Variants in PSG2 observed in about 807,000 individuals in gnomAD.
The protein encoded by PSG2 is pregnancy specific beta-1-glycoprotein 2, also known as pregnancy-specific beta-1-glycoprotein 2.
PSG2 carries 49 observed loss-of-function variants against 36.2 expected under a neutral mutation model. That is an observed-to-expected ratio of 1.35 (90% confidence interval 1.08 to 1.72). The LOEUF (loss-of-function observed/expected upper bound fraction) is 1.72, where lower values mean the gene tolerates loss of function less well. Ranked by LOEUF, PSG2 falls within the 40% of genes most tolerant of loss-of-function variation. PSG2 has a pLI of 0.00. For synonymous variants in PSG2, 261 were observed against 155.6 expected (o/e 1.68, Z -5.04); for missense variants, 605 against 407.2 (o/e 1.49, Z -4.18).
chr19:43,069,326 G>A (rs1367583447), intron 4 of PSG2, among the ~76,000 whole-genome samples: 2 of 151,584 alleles, frequency 1.3e-5, no homozygotes, highest in Non-Finnish European at 2.9e-5. Context: ...CTATCAATCA[G>A]AATCTCAGTG....
chr19:43,071,487 T>G (rs564890966), intron 4 of PSG2, among the ~76,000 whole-genome samples: 9 of 151,620 alleles, frequency 5.9e-5, no homozygotes, highest in Admixed American at 2.0e-4. Context: ...CCTACCTTTC[T>G]CAGGCGAGAC....
rs1599709691 is a variant in PSG2, at chr19:43,077,054, A to G, written c.431-1422T>C. On this transcript the variant is annotated intron_variant, in intron 2 of 5. Coordinates refer to ENST00000406487, the MANE Select transcript of PSG2 (RefSeq NM_031246.4). ...TTGTCAGGAGTTTAGACCTCATGTTATGTTCTGACTCTAGTAACAAAAAAA... is the reference window on the plus strand; with the variant it reads ...TTGTCAGGAGTTTAGACCTCATGTTGTGTTCTGACTCTAGTAACAAAAAAA... Among the ~76,000 whole-genome samples the G allele has an allele frequency of 1.3e-5, 2 of 151,650 alleles. 1 individual carries two copies. Among genetic ancestry groups the G allele is most frequent in the Non-Finnish European group, 2.9e-5 (2 of 67,988 alleles).
In PSG2 at chr19:43,081,035, C is replaced by T. The variant is rs778183636; in HGVS notation, c.276G>A (p.Gly92=). The part of the protein sequence containing the change: ...YVVDGQIIIY[G]PAYSGRETAY... ...CTGTTTCTCGTCCACTATATGCAGG[C>T]CCATATATAATTATTTGACCGTCTA... The change falls in exon 2 of 6, where the codon GGG becomes GGA. Residue 92 remains glycine (G), a synonymous_variant. Transcript: ENST00000406487. 14 of 1,612,890 alleles carry T rather than the reference C, an allele frequency of 8.7e-6. No homozygotes were observed. The highest frequency in any genetic ancestry group is 1.3e-5 in the African/African-American group (1 of 74,344).
chr19:43,081,346 T>C, intron 1 of PSG2, 100 bp from the exon 2 acceptor site: 5 of 1,166,040 alleles, frequency 4.3e-6, no homozygotes, highest in Non-Finnish European at 4.7e-6. Flanking sequence ...TCCTCAGCCT[T>C]GAAGACACAC....
intron 1 of PSG2, among the ~76,000 whole-genome samples, chr19:43,081,555 G>C (rs1967976144): frequency 6.7e-6 from 1 of 148,262 alleles, no homozygotes; most frequent in South Asian, 2.2e-4. Flanking sequence ...GACCCCATCA[G>C]GTCCTGCTCA....
rs1599712994 is a variant in PSG2, at chr19:43,082,575, C to T, written c.-6G>A. On this transcript the variant is annotated 5_prime_UTR_variant, in exon 1 of 6. Coordinates refer to ENST00000406487, the MANE Select transcript of PSG2 (RefSeq NM_031246.4). ...GGGGCTGAGAGGGGCCCCATGGTCT[C>T]TGCTGCCTGTGTGTTCTCCTCTGTG... The T allele has an allele frequency of 6.2e-7, 1 of 1,611,622 alleles. No individual in the cohort carries two copies. The highest frequency in any genetic ancestry group is 2.2e-5 in the East Asian group (1 of 44,810).
chr19:43,074,156 A>G (rs1967858727), intron 3 of PSG2, among the ~76,000 whole-genome samples: 2 of 151,576 alleles, frequency 1.3e-5, no homozygotes, highest in African/African-American at 4.9e-5. Context: ...TCTTTTTCAC[A>G]GTGTTTCTGT....
intron 4 of PSG2, among the ~76,000 whole-genome samples, chr19:43,068,673 C>A (rs1057184293): frequency 2.0e-5 from 3 of 151,550 alleles, no homozygotes; most frequent in Admixed American, 6.6e-5. Flanking sequence ...GATGAAATTC[C>A]ATATTTTTTC....
intron 4 of PSG2, among the ~76,000 whole-genome samples, chr19:43,069,784 T>C (rs1451569174): frequency 6.6e-6 from 1 of 151,762 alleles, no homozygotes; most frequent in Non-Finnish European, 1.5e-5. Context: ...GATTTCACAA[T>C]GATTTCCTGG....
chr19:43,070,798 C>T (rs571086225), intron 4 of PSG2, among the ~76,000 whole-genome samples: 2 of 151,708 alleles, frequency 1.3e-5, no homozygotes, highest in South Asian at 4.2e-4. Flanking sequence ...CACTAAATTG[C>T]ACACTTAGAA....
Position 43,081,235 on chromosome 19 carries a change from T to C in PSG2, c.76A>G (p.Asn26Asp). 1 of 1,611,766 alleles carries C rather than the reference T, an allele frequency of 6.2e-7. No homozygotes were observed. Among genetic ancestry groups the C allele is most frequent in the Non-Finnish European group, 8.5e-7 (1 of 1,179,264 alleles). The change falls in exon 2 of 6, where the codon AAC becomes GAC. Residue 26 changes from asparagine to aspartate, a missense_variant. Physicochemically the swap from Asn to Asp is conservative, Grantham distance 23. Transcript: ENST00000406487. ...KGLLVTASLL[N>D]FWNLPTTAQV... ...GCAGTGGTGGGCAGGTTCCAGAAGT[T>C]TAAAAGTGATGCTAGGAGGTGGAGA...
At position 43,080,207 on chromosome 19, in the gene PSG2, T is replaced by A. The variant is rs1255742857; in HGVS notation, c.430+674A>T. Among the ~76,000 whole-genome samples, 2 of 151,818 alleles carry A rather than the reference T, an allele frequency of 1.3e-5. 1 individual carries two copies. The highest frequency in any genetic ancestry group is 2.9e-5 in the Non-Finnish European group (2 of 67,990). On this transcript the variant is annotated intron_variant, in intron 2 of 5. Transcript: ENST00000406487. ...GCTTCTGGGGACATTAGACTTCCTA[T>A]GGACTCTCCTAAGCCTCCTAAGGCA... is the stretch of plus-strand genomic sequence containing the variant.
chr19:43,077,427 G>T (rs913121440), intron 2 of PSG2, among the ~76,000 whole-genome samples: 2 of 151,698 alleles, frequency 1.3e-5, no homozygotes, highest in African/African-American at 4.9e-5. Flanking sequence ...GGAAAAATGG[G>T]GAGGACCCCA....
At chr19:43,082,431 C>G in intron 1 of PSG2, 75 bp downstream of exon 1, 7 of 1,580,230 alleles carry the variant, frequency 4.4e-6, no homozygotes, top group Non-Finnish European at 6.1e-6. Flanking sequence ...TTTTAGAACC[C>G]CATCCTCTCC....
intron 3 of PSG2, chr19:43,072,686 G>T: frequency 1.3e-6 from 2 of 1,594,050 alleles, no homozygotes; most frequent in South Asian, 1.1e-5. Context: ...TCCTCCACAG[G>T]CATCCTTCAA....
chr19:43,066,344 G>A (rs1967738931), intron 5 of PSG2, among the ~76,000 whole-genome samples, 173 bp downstream of exon 5: 1 of 151,640 alleles, frequency 6.6e-6, no homozygotes, highest in Non-Finnish European at 1.5e-5. Flanking sequence ...GTGGGGTACA[G>A]GGAGCATAAA....
chr19:43,077,230 A>G (rs1967910051), intron 2 of PSG2, among the ~76,000 whole-genome samples: 1 of 151,702 alleles, frequency 6.6e-6, no homozygotes, highest in Non-Finnish European at 1.5e-5. Flanking sequence ...ATTATGCTCA[A>G]AGAAAGATGC....
At chr19:43,081,481 T>C (rs1443804930) in intron 1 of PSG2, among the ~76,000 whole-genome samples, 1 of 151,026 alleles carries the variant, frequency 6.6e-6, no homozygotes, top group East Asian at 1.9e-4. Context: ...ATGACCCCCA[T>C]TCCTTCACCA....
At chr19:43,066,189 G>A (rs1399809542) in intron 5 of PSG2, among the ~76,000 whole-genome samples, 2 of 151,716 alleles carry the variant, frequency 1.3e-5, no homozygotes, top group African/African-American at 4.9e-5. Flanking sequence ...TTGAGAAGTG[G>A]TTGAGCTTTA....
Sources: allele counts gnomAD v4.1 joint callset (sites outside exome capture counted in the v4.1 genomes callset), GRCh38; gene constraint gnomAD v4.1.1; transcripts MANE v1.5; gene names NCBI Gene and HGNC (gene_info 2026-07-23, HGNC 2026-07-21).